Variants in CCDC88A observed in about 807,000 individuals in gnomAD.
CCDC88A encodes coiled-coil and HOOK domain protein 88A, also known as girdin.
Under a neutral mutation model 234.3 loss-of-function variants are expected in CCDC88A, and 54 were observed. The observed-to-expected ratio is 0.23, with a 90% confidence interval of 0.19 to 0.29. CCDC88A has a LOEUF of 0.29. CCDC88A is among the 10% of genes least tolerant of loss of function. The pLI is 1.00. For missense variants in CCDC88A, 1,832 were observed against 2,123.4 expected (o/e 0.86, Z 2.70); for synonymous variants, 753 against 737.8 (o/e 1.02, Z -0.33).
chr2:55,408,466 CA>C (rs1373007817), intron 2 of CCDC88A, among the ~76,000 whole-genome samples: 1 of 152,098 alleles, frequency 6.6e-6, no homozygotes, highest in Non-Finnish European at 1.5e-5. Context: ...ACCACGCTGA[CA>C]AAACAGGTTG....
rs67591521 is a variant in CCDC88A at position 55,384,558 on chromosome 2, TACAC to T, written c.273+4216_273+4219del. 7.3e-5 allele frequency among the ~76,000 whole-genome samples: 4 copies of T among 54,724 alleles called. 2 individuals carry two copies. Among genetic ancestry groups the T allele is most frequent in the Admixed American group, 3.4e-4 (2 of 5,902 alleles). 35.9% of individuals were successfully genotyped at this position (54,724 alleles called of 152,430 possible). A position where few individuals can be genotyped will look rare whatever the true frequency, so the allele number is the denominator to read the frequency against. Reference sequence around the variant, plus strand: ...ATATATACGTATATATGTGTATATATACACATATATACGTATATATGTGTATATA... The same window carrying T: ...ATATATACGTATATATGTGTATATATATATATACGTATATATGTGTATATA... On this transcript the variant is annotated intron_variant, in intron 3 of 32. Coordinates refer to ENST00000436346, the MANE Select transcript of CCDC88A (RefSeq NM_001365480.1).
chr2:55,327,716 C>G (rs1684444699), intron 17 of CCDC88A, among the ~76,000 whole-genome samples: 1 of 152,200 alleles, frequency 6.6e-6, no homozygotes, highest in Non-Finnish European at 1.5e-5. Context: ...AATCTACCAT[C>G]TACTAGCCCT....
chr2:55,410,490 T>C (rs887924051), intron 2 of CCDC88A, among the ~76,000 whole-genome samples: 2 of 152,242 alleles, frequency 1.3e-5, no homozygotes, highest in Non-Finnish European at 2.9e-5. Context: ...TTTAGGCCTA[T>C]TGTGGTAAAT....
intron 16 of CCDC88A, chr2:55,330,129 T>C (rs1684743981): frequency 6.6e-6 from 1 of 152,144 alleles, no homozygotes; most frequent in African/African-American, 2.4e-5. Context: ...ATATATTCCT[T>C]GATGGCAAGA....
At chr2:55,337,919 CTCAAT>C (rs892883580) in intron 13 of CCDC88A, among the ~76,000 whole-genome samples, 5 of 152,084 alleles carry the variant, frequency 3.3e-5, no homozygotes, top group African/African-American at 1.2e-4. Flanking sequence ...TATCCAATAA[CTCAAT>C]TCAACATTAA....
At chr2:55,367,528 G>GTTTTTTTTTTGTTTTGTTT in intron 5 of CCDC88A, among the ~76,000 whole-genome samples, 2 of 99,890 alleles carry the variant, frequency 2.0e-5, no homozygotes, top group Admixed American at 1.2e-4. Context: ...TTATTTCCTT[G>GTTTTTTTTTTGTTTTGTTT]TTTTTTTTTA....
chr2:55,418,132 T>C (rs918456404), intron 2 of CCDC88A: 12 of 152,232 alleles, frequency 7.9e-5, no homozygotes, highest in Non-Finnish European at 1.5e-4. Flanking sequence ...CCCAATATTA[T>C]AAACACAAAA....
Position 55,335,226 on chromosome 2 carries a change from C to A in CCDC88A, c.1657-62G>T. 9.6e-7 allele frequency: 1 copy of A among 1,042,704 alleles called. No homozygotes were observed. Among genetic ancestry groups the A allele is most frequent in the South Asian group, 2.3e-5 (1 of 43,774 alleles). 64.6% of individuals were successfully genotyped at this position (1,042,704 alleles called of 1,614,324 possible). A position where few individuals can be genotyped will look rare whatever the true frequency, so the allele number is the denominator to read the frequency against. ...AGGAAAAACTAACTATGGTTTATCT[C>A]TTCCAAAAACTACCAAGAAAAGGGG... is the stretch of plus-strand genomic sequence containing the variant. On this transcript the variant is annotated intron_variant, in intron 14 of 32. Transcript: ENST00000436346. This position sits in a 1 kb window ranked among gnomAD's most constrained non-coding sequence, Gnocchi z 4.5.
At chr2:55,413,440 G>A (rs1451084447) in intron 2 of CCDC88A, among the ~76,000 whole-genome samples, 5 of 152,164 alleles carry the variant, frequency 3.3e-5, no homozygotes, top group Non-Finnish European at 7.3e-5. Flanking sequence ...TGTAGGAACT[G>A]TAATTTGGAG....
At chr2:55,325,744 T>C (rs1416275447) in intron 17 of CCDC88A, among the ~76,000 whole-genome samples, 2 of 152,218 alleles carry the variant, frequency 1.3e-5, no homozygotes, top group African/African-American at 4.8e-5. Context: ...TTTTTCTCCA[T>C]GTAGTTCTAC....
intron 25 of CCDC88A, among the ~76,000 whole-genome samples, chr2:55,303,572 G>A (rs1201821053): frequency 6.6e-6 from 1 of 151,992 alleles, no homozygotes; most frequent in African/African-American, 2.4e-5. Flanking sequence ...GTAGAGACAG[G>A]GTTTCTCCAT....
At chr2:55,351,172 C>T (rs1477341808) in intron 8 of CCDC88A, among the ~76,000 whole-genome samples, 1 of 151,874 alleles carries the variant, frequency 6.6e-6, no homozygotes, top group Admixed American at 6.6e-5. Flanking sequence ...ACTCTTAGGC[C>T]CAAGAATTCC....
At chr2:55,352,677 T>A (rs1360589372) in intron 8 of CCDC88A, among the ~76,000 whole-genome samples, 1 of 152,200 alleles carries the variant, frequency 6.6e-6, no homozygotes, top group Non-Finnish European at 1.5e-5. Flanking sequence ...TTGGTAGTAT[T>A]AACTACTGCA....
intron 5 of CCDC88A, among the ~76,000 whole-genome samples, chr2:55,371,153 A>C (rs1322089229): frequency 6.6e-6 from 1 of 152,200 alleles, no homozygotes; most frequent in Non-Finnish European, 1.5e-5. Flanking sequence ...AACACAGGGT[A>C]TTTTTTAAAG....
chr2:55,364,058 AT>A (rs1189294025), intron 5 of CCDC88A, 25 bp from the exon 6 acceptor site: 1 of 1,151,844 alleles, frequency 8.7e-7, no homozygotes, highest in Non-Finnish European at 1.3e-6. Context: ...TAAAATAGTT[AT>A]TCATACTTTA....
intron 7 of CCDC88A, among the ~76,000 whole-genome samples, chr2:55,357,346 C>A (rs201544028): frequency 6.7e-6 from 1 of 149,344 alleles, no homozygotes; most frequent in Non-Finnish European, 1.5e-5. Context: ...CTTCCTTCCT[C>A]CCTCCCTCCT....
At chr2:55,356,969 C>T (rs1670663208) in intron 7 of CCDC88A, among the ~76,000 whole-genome samples, 1 of 152,170 alleles carries the variant, frequency 6.6e-6, no homozygotes, top group Non-Finnish European at 1.5e-5. Flanking sequence ...CAAGTGCACA[C>T]AGTCATTACT....
intron 3 of CCDC88A, among the ~76,000 whole-genome samples, chr2:55,382,734 A>T (rs1205263056): frequency 6.6e-6 from 1 of 152,228 alleles, no homozygotes; most frequent in Non-Finnish European, 1.5e-5. Context: ...TGATTATTTG[A>T]AAAGGTCTGA....
chr2:55,399,956 C>T (rs948317148), intron 2 of CCDC88A, among the ~76,000 whole-genome samples: 2 of 152,096 alleles, frequency 1.3e-5, no homozygotes, highest in Non-Finnish European at 2.9e-5. Flanking sequence ...ATCCTGTATT[C>T]TATTACTTTT....
Sources: gnomAD v4.1 joint callset for allele counts (sites outside exome capture counted in the v4.1 genomes callset) on GRCh38, gnomAD v4.1.1 for gene constraint, Gnocchi (gnomAD v3.1) non-coding constraint, MANE v1.5 for transcripts, NCBI Gene and HGNC (gene_info 2026-07-23, HGNC 2026-07-21) for gene names.